Variants in NDUFAF2 observed in about 807,000 individuals in gnomAD.
The protein encoded by NDUFAF2 is NADH:ubiquinone oxidoreductase complex assembly factor 2, also known as NADH dehydrogenase [ubiquinone] 1 alpha subcomplex assembly factor 2.
A neutral mutation model predicts 22.8 loss-of-function variants in NDUFAF2; 13 were observed. The observed-to-expected ratio is 0.57, with a 90% CI of 0.37 to 0.91. The LOEUF is 0.91. Ranked by LOEUF, NDUFAF2 falls within the 40% of genes least tolerant of loss-of-function variation. The pLI is 0.01. For missense variants in NDUFAF2, 162 were observed against 195.2 expected (o/e 0.83, Z 1.01); for synonymous variants, 53 against 64.2 (o/e 0.83, Z 0.84).
intron 1 of NDUFAF2, among the ~76,000 whole-genome samples, chr5:60,952,875 A>G (rs955608954): frequency 3.3e-5 from 5 of 152,058 alleles, no homozygotes; most frequent in African/African-American, 1.2e-4. Flanking sequence ...ACCTATTGTT[A>G]GGTCCTTACA....
chr5:61,065,753 A>G (rs1224429955), intron 1 of NDUFAF2, among the ~76,000 whole-genome samples: 1 of 152,088 alleles, frequency 6.6e-6, no homozygotes, highest in African/African-American at 2.4e-5. Flanking sequence ...CCATGGGGAA[A>G]AACTGAAAAC....
chr5:61,137,756 T>C (rs1186348609), intron 3 of NDUFAF2, among the ~76,000 whole-genome samples: 2 of 152,214 alleles, frequency 1.3e-5, no homozygotes, highest in African/African-American at 4.8e-5. Context: ...GTTGTGTTCT[T>C]CAGAAGCAGA....
intron 1 of NDUFAF2, among the ~76,000 whole-genome samples, chr5:61,001,672 C>G (rs149999081): frequency 4.6e-5 from 7 of 152,058 alleles, no homozygotes; most frequent in South Asian, 2.1e-4. Flanking sequence ...AATAAAAAGT[C>G]AGAATTTTTA....
chr5:60,968,853 C>G (rs931274007), intron 1 of NDUFAF2, among the ~76,000 whole-genome samples: 2 of 152,004 alleles, frequency 1.3e-5, no homozygotes, highest in African/African-American at 4.8e-5. Context: ...TTCCCCACCA[C>G]CCCTCTACTA....
chr5:61,101,081 T>C (rs1447061424), intron 3 of NDUFAF2, among the ~76,000 whole-genome samples: 1 of 152,156 alleles, frequency 6.6e-6, no homozygotes, highest in Non-Finnish European at 1.5e-5. Context: ...ACTGTAACTT[T>C]TACACTCTTC....
chr5:60,984,974 A>G (rs1321421528), intron 1 of NDUFAF2, among the ~76,000 whole-genome samples: 1 of 152,186 alleles, frequency 6.6e-6, no homozygotes, highest in Non-Finnish European at 1.5e-5. Flanking sequence ...AAATGGTACC[A>G]GCTCCTCCTT....
chr5:61,040,101 T>C (rs910446365), intron 1 of NDUFAF2, among the ~76,000 whole-genome samples: 1 of 152,054 alleles, frequency 6.6e-6, no homozygotes, highest in African/African-American at 2.4e-5. Context: ...GGTTGAATAG[T>C]GTCCCCCCAA....
In NDUFAF2 at chr5:60,945,284, C is replaced by A; in HGVS notation, c.29C>A (p.Ala10Asp). 1 of 1,613,768 alleles carries A rather than the reference C, an allele frequency of 6.2e-7. No homozygotes were observed. Among genetic ancestry groups the A allele is most frequent in the Non-Finnish European group, 8.5e-7 (1 of 1,179,958 alleles). The part of the protein sequence containing the change: MGWSQDLFR[A>D]LWRSLSREVK... ...GGTTGGTCTCAGGATTTGTTCCGCG[C>A]CTTGTGGAGATCGCTGTCAAGGGAA... Residue 10 changes from alanine to aspartate, a missense_variant, in exon 1 of 4, where the codon GCC becomes GAC. Transcript: ENST00000296597.
chr5:60,963,877 A>G (rs1750721749), intron 1 of NDUFAF2, among the ~76,000 whole-genome samples: 2 of 152,182 alleles, frequency 1.3e-5, no homozygotes, highest in African/African-American at 4.8e-5. Flanking sequence ...GTGATATTTG[A>G]ACAAAGACTT....
chr5:61,009,052 A>C (rs1751409384), intron 1 of NDUFAF2, among the ~76,000 whole-genome samples: 5 of 151,978 alleles, frequency 3.3e-5, no homozygotes, highest in Admixed American at 3.3e-4. Context: ...TTTTCTACTA[A>C]TCCGTATCTA....
intron 1 of NDUFAF2, among the ~76,000 whole-genome samples, chr5:61,045,014 A>G (rs1318141662): frequency 1.1e-5 from 1 of 90,468 alleles, no homozygotes; most frequent in Admixed American, 1.2e-4. Flanking sequence ...TTAAAATTGT[A>G]TTAAATTTAT....
At chr5:60,959,585 A>G (rs964424358) in intron 1 of NDUFAF2, among the ~76,000 whole-genome samples, 13 of 152,054 alleles carry the variant, frequency 8.5e-5, no homozygotes, top group African/African-American at 3.1e-4. Context: ...AGGTCACATG[A>G]TGTAATCATC....
chr5:61,071,659 G>A (rs1369246105), intron 1 of NDUFAF2, among the ~76,000 whole-genome samples: 2 of 152,190 alleles, frequency 1.3e-5, no homozygotes, highest in South Asian at 2.1e-4. Context: ...AGAGAAAGGA[G>A]TATTTTGTAA....
chr5:61,076,985 G>T (rs1752378982), intron 2 of NDUFAF2, among the ~76,000 whole-genome samples: 1 of 152,194 alleles, frequency 6.6e-6, no homozygotes, highest in South Asian at 2.1e-4. Flanking sequence ...AAAAGGAGTT[G>T]CTGTTAACTG....
intron 1 of NDUFAF2, among the ~76,000 whole-genome samples, chr5:61,070,509 TTTA>T (rs1281715048): frequency 1.3e-5 from 2 of 152,058 alleles, no homozygotes; most frequent in East Asian, 3.9e-4. Flanking sequence ...TTAAAAAATC[TTTA>T]TTTCAACTAT....
chr5:61,030,357 A>G (rs16878519), intron 1 of NDUFAF2, among the ~76,000 whole-genome samples: 1,886 of 152,252 alleles, frequency 0.012, 19 homozygotes, highest in South Asian at 0.039. Context: ...AGTCTGGGTT[A>G]CATTATACAG....
chr5:61,131,107 A>G (rs1327644665), intron 3 of NDUFAF2, among the ~76,000 whole-genome samples: 1 of 152,146 alleles, frequency 6.6e-6, no homozygotes. Context: ...TACAGAATAA[A>G]GACTTCTCTT....
intron 1 of NDUFAF2, among the ~76,000 whole-genome samples, chr5:60,960,773 T>C (rs1750673349): frequency 6.6e-6 from 1 of 152,208 alleles, no homozygotes; most frequent in African/African-American, 2.4e-5. Flanking sequence ...AAAAGGCTGT[T>C]TTTTTGCTTT....
intron 1 of NDUFAF2, among the ~76,000 whole-genome samples, chr5:60,951,372 T>G (rs2112562752): frequency 6.6e-6 from 1 of 152,314 alleles, no homozygotes; most frequent in East Asian, 1.9e-4. Flanking sequence ...TGTTGTATGG[T>G]TAGAACCACT....
Sources: gnomAD v4.1 joint callset for allele counts (sites outside exome capture counted in the v4.1 genomes callset) on GRCh38, gnomAD v4.1.1 for gene constraint, MANE v1.5 for transcripts, NCBI Gene and HGNC (gene_info 2026-07-23, HGNC 2026-07-21) for gene names.